The following HECW2 variants were observed in gnomAD, a reference collection of about 807,000 sequenced individuals.
HECW2 encodes the protein HECT, C2 and WW domain containing E3 ubiquitin protein ligase 2, also known as E3 ubiquitin-protein ligase HECW2.
In HECW2, 61 loss-of-function variants were observed where a neutral mutation model predicts 175.2. The observed-to-expected ratio is 0.35, with a 90% CI of 0.28 to 0.43. HECW2 has a LOEUF of 0.43. Ranked by LOEUF, HECW2 falls within the 20% of genes least tolerant of loss-of-function variation. HECW2 has a pLI of 1.00. For missense variants in HECW2, 1,524 were observed against 2,000.5 expected (o/e 0.76, Z 4.54); for synonymous variants, 671 against 731.0 (o/e 0.92, Z 1.32).
intron 1 of HECW2, among the ~76,000 whole-genome samples, chr2:196,473,356 A>G (rs568891767): frequency 2.0e-5 from 3 of 152,314 alleles, no homozygotes; most frequent in Admixed American, 6.5e-5. Flanking sequence ...ACAGACACAA[A>G]TCTAAATTAA....
intron 1 of HECW2, among the ~76,000 whole-genome samples, chr2:196,474,011 C>CT (rs1228107375): frequency 2.6e-5 from 4 of 152,204 alleles, no homozygotes; most frequent in African/African-American, 4.8e-5. Context: ...AAAGAAAACT[C>CT]TGTTTCACAA....
At chr2:196,273,865 G>A (rs1689839397) in intron 16 of HECW2, among the ~76,000 whole-genome samples, 156 bp downstream of exon 16, 1 of 152,178 alleles carries the variant, frequency 6.6e-6, no homozygotes, top group Non-Finnish European at 1.5e-5. Flanking sequence ...ACTCAAGTCT[G>A]TAGGATTTTG....
At chr2:196,468,179 G>T (rs1446352090) in intron 1 of HECW2, among the ~76,000 whole-genome samples, 1 of 152,204 alleles carries the variant, frequency 6.6e-6, no homozygotes, top group Non-Finnish European at 1.5e-5. Flanking sequence ...ATTTTTAGTA[G>T]AGATAGGGTT....
chr2:196,556,405 T>A (rs1326463529), intron 1 of HECW2, among the ~76,000 whole-genome samples: 2 of 152,198 alleles, frequency 1.3e-5, no homozygotes, highest in East Asian at 3.8e-4. Flanking sequence ...AATGTATTCA[T>A]CTTATAACTA....
chr2:196,438,219 G>A (rs1158630154), intron 1 of HECW2, among the ~76,000 whole-genome samples: 1 of 152,208 alleles, frequency 6.6e-6, no homozygotes, highest in African/African-American at 2.4e-5. Context: ...AAAGCTGGAA[G>A]ACACAGGACA....
chr2:196,329,698 A>G (rs778583234), intron 4 of HECW2, 48 bp from the exon 5 acceptor site: 17 of 1,438,482 alleles, frequency 1.2e-5, no homozygotes, highest in Non-Finnish European at 1.7e-5. Flanking sequence ...ATATGATGCC[A>G]CTGGATCTGA....
intron 1 of HECW2, among the ~76,000 whole-genome samples, chr2:196,568,605 T>C (rs975241911): frequency 2.0e-5 from 3 of 152,208 alleles, no homozygotes; most frequent in Non-Finnish European, 4.4e-5. Flanking sequence ...GAAAGCAACA[T>C]GCATTCAGTT....
At position 196,575,436 on chromosome 2, in the gene HECW2, G is replaced by C. The variant is rs574321816; in HGVS notation, c.-36+18072C>G. 1.1e-4 allele frequency among the ~76,000 whole-genome samples: 16 copies of C among 152,228 alleles called. No individual in the cohort carries two copies. In the East Asian group the frequency reaches 1.9e-3, roughly 18 times the overall value. ...TATATAACCCAAGGAAATGAAATTA[G>C]TATCTCAAAAAGACATCCGCACTCC... On this transcript the variant is annotated intron_variant, in intron 1 of 28. Coordinates refer to ENST00000644978, the MANE Select transcript of HECW2 (RefSeq NM_001348768.2).
chr2:196,235,163 T>A (rs1361794921), intron 21 of HECW2, among the ~76,000 whole-genome samples: 1 of 151,000 alleles, frequency 6.6e-6, no homozygotes, highest in African/African-American at 2.4e-5. Flanking sequence ...AGTGGTGTGA[T>A]CTCAGCTCAC....
At chr2:196,592,861 C>G (rs1691256160) in intron 1 of HECW2, 1 of 150,274 alleles carries the variant, frequency 6.7e-6, no homozygotes, top group Non-Finnish European at 1.5e-5. Context: ...ACCCGCGGCC[C>G]CGGCGCCCTG....
intron 3 of HECW2, among the ~76,000 whole-genome samples, chr2:196,340,335 G>A (rs1008142385): frequency 2.6e-4 from 40 of 152,018 alleles, no homozygotes; most frequent in African/African-American, 6.0e-4. Context: ...GGTGGCTCAC[G>A]TCTGTAATCT....
chr2:196,477,633 A>AT (rs1259663269), intron 1 of HECW2, among the ~76,000 whole-genome samples: 1 of 152,202 alleles, frequency 6.6e-6, no homozygotes, highest in Non-Finnish European at 1.5e-5. Flanking sequence ...TGAGTGCTAC[A>AT]TATTTCTTTT....
At chr2:196,447,602 ACT>A (rs1427421357) in intron 1 of HECW2, among the ~76,000 whole-genome samples, 1 of 152,196 alleles carries the variant, frequency 6.6e-6, no homozygotes, top group African/African-American at 2.4e-5. Flanking sequence ...GGATAATTTG[ACT>A]CTCTTAGGAT....
chr2:196,580,466 A>G (rs1291564768), intron 1 of HECW2, among the ~76,000 whole-genome samples: 1 of 152,186 alleles, frequency 6.6e-6, no homozygotes, highest in Admixed American at 6.5e-5. Context: ...AATACAAGGA[A>G]GTCTTAAAAC....
intron 2 of HECW2, among the ~76,000 whole-genome samples, chr2:196,366,502 T>C (rs1244744469): frequency 6.6e-6 from 1 of 152,202 alleles, no homozygotes; most frequent in Non-Finnish European, 1.5e-5. Context: ...GCATATGTAA[T>C]GTGCCAAAAA....
At chr2:196,296,391 T>C (rs749237677) in intron 13 of HECW2, among the ~76,000 whole-genome samples, 1 of 152,170 alleles carries the variant, frequency 6.6e-6, no homozygotes, top group Admixed American at 6.5e-5. Flanking sequence ...GGTAAAGTAA[T>C]TTGAAAAGGT....
At chr2:196,374,120 T>C (rs192894472) in intron 2 of HECW2, among the ~76,000 whole-genome samples, 1 of 152,230 alleles carries the variant, frequency 6.6e-6, no homozygotes, top group East Asian at 1.9e-4. Flanking sequence ...TCATGATTCA[T>C]AATAATTAGA....
intron 1 of HECW2, among the ~76,000 whole-genome samples, chr2:196,535,312 A>C (rs1174116328): frequency 6.6e-6 from 1 of 152,222 alleles, no homozygotes; most frequent in Admixed American, 6.5e-5. Flanking sequence ...CCTGTTTACC[A>C]TGCTAGTTTT....
intron 1 of HECW2, among the ~76,000 whole-genome samples, chr2:196,485,033 G>A (rs1217464269): frequency 6.6e-6 from 1 of 152,188 alleles, no homozygotes; most frequent in African/African-American, 2.4e-5. Context: ...AGAGGACAGA[G>A]TTATCAGTCA....
Sources: allele counts gnomAD v4.1 joint callset (sites outside exome capture counted in the v4.1 genomes callset), GRCh38; gene constraint gnomAD v4.1.1; transcripts MANE v1.5; gene names NCBI Gene and HGNC (gene_info 2026-07-23, HGNC 2026-07-21).